TRPM1: variants seen among roughly 807,000 people sequenced by gnomAD.
The protein encoded by TRPM1 is TRPM1-203 APA Isoform, Intron 10.
In TRPM1, 113 loss-of-function variants were observed where a neutral mutation model predicts 149.4. The observed-to-expected ratio is 0.76, with a 90% CI of 0.65 to 0.88. The LOEUF is 0.88. Ranked by LOEUF, TRPM1 falls within the 40% of genes least tolerant of loss-of-function variation. The probability of loss-of-function intolerance (pLI) is 0.00; values close to 1 mark genes in which losing one functional copy is unlikely to be tolerated. For missense variants in TRPM1, 1,976 were observed against 2,038.7 expected (o/e 0.97, Z 0.59); for synonymous variants, 741 against 759.5 (o/e 0.98, Z 0.40).
At chr15:31,097,805 G>A (rs2035424783) in intron 1 of TRPM1, among the ~76,000 whole-genome samples, 2 of 152,186 alleles carry the variant, frequency 1.3e-5, no homozygotes, top group Non-Finnish European at 2.9e-5. Context: ...GGGCTGTTGC[G>A]CACCTGAGAT....
chr15:31,117,054 A>C (rs1410941318), intron 1 of TRPM1, among the ~76,000 whole-genome samples: 1 of 152,186 alleles, frequency 6.6e-6, no homozygotes, highest in Non-Finnish European at 1.5e-5. Context: ...TACAATTAAT[A>C]TACTAAGGGT....
At chr15:31,124,552 G>T (rs1455320800) in intron 1 of TRPM1, among the ~76,000 whole-genome samples, 1 of 151,334 alleles carries the variant, frequency 6.6e-6, no homozygotes, top group Non-Finnish European at 1.5e-5. Context: ...TACTTGGGAG[G>T]CTGAGGCAGG....
chr15:31,117,715 A>T (rs2035821068), intron 1 of TRPM1, among the ~76,000 whole-genome samples: 1 of 151,852 alleles, frequency 6.6e-6, no homozygotes, highest in Admixed American at 6.6e-5. Flanking sequence ...GCTCTAATGA[A>T]CAAAGTGGAC....
At chr15:31,083,988 G>A (rs770648767) in intron 1 of TRPM1, among the ~76,000 whole-genome samples, 43 of 152,128 alleles carry the variant, frequency 2.8e-4, no homozygotes, top group Admixed American at 4.6e-4. Context: ...CCGCAGGAAG[G>A]TGACAGGGCT....
intron 1 of TRPM1, among the ~76,000 whole-genome samples, chr15:31,106,773 G>A (rs1488603370): frequency 1.3e-5 from 2 of 152,152 alleles, no homozygotes; most frequent in Admixed American, 1.3e-4. Context: ...GCATTTGTCT[G>A]TAATCTTTAG....
At position 31,062,585 on chromosome 15, in the gene TRPM1, T is replaced by C. The variant is rs1567026645; in HGVS notation, c.1083A>G (p.Lys361=). 1 of 1,614,194 alleles carries C rather than the reference T, an allele frequency of 6.2e-7. No homozygotes were observed. The highest frequency in any genetic ancestry group is 2.2e-5 in the East Asian group (1 of 44,888). ...ATAAATTCAAGACACTTACGAGTTC[T>C]TTCTTCTTCATGCACTCCATTATAA... ...FAIIMECMKK[K]ELVTVFRMGS... is the part of the protein sequence containing the mutation. The change falls in exon 9 of 28, where the codon AAA becomes AAG. Residue 361 remains lysine (K), a synonymous_variant. Coordinates refer to ENST00000256552, the MANE Select transcript of TRPM1 (RefSeq NM_001252024.2).
intron 1 of TRPM1, among the ~76,000 whole-genome samples, chr15:31,086,947 T>C (rs949949018): frequency 9.2e-5 from 14 of 152,082 alleles, no homozygotes; most frequent in Admixed American, 3.3e-4. Context: ...GGAAGATGTA[T>C]GAATGGCCAA....
chr15:31,097,431 G>C (rs2035414265), intron 1 of TRPM1, among the ~76,000 whole-genome samples: 1 of 152,206 alleles, frequency 6.6e-6, no homozygotes, highest in African/African-American at 2.4e-5. Context: ...AGCAAAGGGT[G>C]CATGCCTGTC....
intron 22 of TRPM1, among the ~76,000 whole-genome samples, chr15:31,031,820 A>G (rs1356609688): frequency 6.6e-6 from 1 of 152,082 alleles, no homozygotes; most frequent in Non-Finnish European, 1.5e-5. Context: ...GTTCATTTTC[A>G]GTTTCATATT....
intron 1 of TRPM1, among the ~76,000 whole-genome samples, chr15:31,088,777 T>A (rs1190914164): frequency 7.1e-6 from 1 of 140,590 alleles, no homozygotes; most frequent in Non-Finnish European, 1.5e-5. Flanking sequence ...AACCATGGTA[T>A]CAAACACCTG....
At chr15:31,122,870 C>T (rs1174501304) in intron 1 of TRPM1, among the ~76,000 whole-genome samples, 2 of 152,056 alleles carry the variant, frequency 1.3e-5, no homozygotes. Context: ...TAAAAGACCC[C>T]AAATAAGCAA....
At chr15:31,069,763 C>T (rs2034479647) in intron 4 of TRPM1, 2 of 1,444,668 alleles carry the variant, frequency 1.4e-6, no homozygotes, top group African/African-American at 1.4e-5. Flanking sequence ...AGTGTGTTTG[C>T]AGGGTTGGGC....
In TRPM1 at chr15:31,040,433, G is replaced by T; in HGVS notation, c.2088-87C>A. ...GGCATATCCACCAAGGACTTATGGAGCCACGGGACACAGTATCCTTCACTG... is the reference window on the plus strand; with the variant it reads ...GGCATATCCACCAAGGACTTATGGATCCACGGGACACAGTATCCTTCACTG... On this transcript the variant is annotated intron_variant, in intron 17 of 27. Coordinates refer to ENST00000256552, the MANE Select transcript of TRPM1 (RefSeq NM_001252024.2). This position sits in a 1 kb window ranked among gnomAD's most constrained non-coding sequence, Gnocchi z 4.2. The T allele has an allele frequency of 9.2e-7, 1 of 1,087,200 alleles. No individual in the cohort carries two copies. Among genetic ancestry groups the T allele is most frequent in the African/African-American group, 1.5e-5 (1 of 65,036 alleles). 67.3% of individuals were successfully genotyped at this position (1,087,200 alleles called of 1,614,324 possible). A position where few individuals can be genotyped will look rare whatever the true frequency, so the allele number is the denominator to read the frequency against.
At chr15:31,012,652 C>A (rs1223383118) in intron 27 of TRPM1, among the ~76,000 whole-genome samples, 2 of 152,072 alleles carry the variant, frequency 1.3e-5, no homozygotes, top group African/African-American at 4.8e-5. Context: ...AGATTCGTAT[C>A]TTTCATTAAA....
chr15:31,022,662 A>G (rs2032588245), intron 27 of TRPM1, among the ~76,000 whole-genome samples: 1 of 152,158 alleles, frequency 6.6e-6, no homozygotes, highest in African/African-American at 2.4e-5. Context: ...ACCTGGAGGG[A>G]GCATAGCTGG....
At chr15:31,067,222 T>C (rs1364499405) in intron 5 of TRPM1, 35 bp from the exon 6 acceptor site, 2 of 1,613,936 alleles carry the variant, frequency 1.2e-6, no homozygotes, top group Non-Finnish European at 1.7e-6. Context: ...TTAGGCTCTT[T>C]TACTTCCCAG....
intron 1 of TRPM1, among the ~76,000 whole-genome samples, chr15:31,122,479 A>G (rs2035893638): frequency 6.6e-6 from 1 of 152,256 alleles, no homozygotes; most frequent in Admixed American, 6.5e-5. Context: ...AAGTGATAAC[A>G]GCAAGTTTGT....
At chr15:31,117,955 G>A (rs900418360) in intron 1 of TRPM1, among the ~76,000 whole-genome samples, 8 of 152,084 alleles carry the variant, frequency 5.3e-5, no homozygotes, top group South Asian at 2.1e-4. Context: ...CAAAGATTGT[G>A]GAACAGTTAA....
At chr15:31,078,764 C>G (rs1465093230) in intron 2 of TRPM1, among the ~76,000 whole-genome samples, 1 of 152,220 alleles carries the variant, frequency 6.6e-6, no homozygotes. Context: ...TGCTTTTCCC[C>G]TTTGCATCTC....
Sources: allele counts gnomAD v4.1 joint callset (sites outside exome capture counted in the v4.1 genomes callset), GRCh38; gene constraint gnomAD v4.1.1; non-coding constraint Gnocchi (gnomAD v3.1); transcripts MANE v1.5; gene names NCBI Gene and HGNC (gene_info 2026-07-23, HGNC 2026-07-21).